The following NCOR2 variants were observed in gnomAD, a reference collection of about 807,000 sequenced individuals.
NCOR2 encodes nuclear receptor corepressor 2.
Under a neutral mutation model 262.9 loss-of-function variants are expected in NCOR2, and 81 were observed. That is an observed-to-expected ratio of 0.31 (90% CI 0.26 to 0.37). The LOEUF (loss-of-function observed/expected upper bound fraction) is 0.37. Ranked by LOEUF, NCOR2 falls within the 10% of genes least tolerant of loss-of-function variation. The probability of loss-of-function intolerance (pLI) is 1.00; values close to 1 mark genes in which losing one functional copy is unlikely to be tolerated. For missense variants in NCOR2, 3,385 were observed against 3,621.4 expected (o/e 0.93, Z 1.68); for synonymous variants, 1,659 against 1,559.3 (o/e 1.06, Z -1.51).
At chr12:124,331,867 T>G (rs2035230774) in intron 43 of NCOR2, 1 of 165,270 alleles carries the variant, frequency 6.1e-6, no homozygotes, top group Admixed American at 5.7e-5. Context: ...GATTCTTTAT[T>G]TGCCCACCCA....
At chr12:124,488,213 C>T (rs1304751048) in intron 1 of NCOR2, among the ~76,000 whole-genome samples, 1 of 152,082 alleles carries the variant, frequency 6.6e-6, no homozygotes, top group Non-Finnish European at 1.5e-5. Context: ...GTTGCAGACC[C>T]AACAAAATCA....
intron 22 of NCOR2, among the ~76,000 whole-genome samples, chr12:124,361,176 AG>A (rs753194865): frequency 8.1e-5 from 12 of 148,828 alleles, no homozygotes; most frequent in East Asian, 4.0e-4. Context: ...GGCAGCGGGG[AG>A]GGGACAGCTG....
intron 15 of NCOR2, among the ~76,000 whole-genome samples, chr12:124,399,355 C>T (rs951831491): frequency 1.6e-4 from 25 of 152,298 alleles, no homozygotes; most frequent in Middle Eastern, 6.8e-3. Context: ...GTGTGTTTTC[C>T]ACCCTGCGGC....
intron 28 of NCOR2, chr12:124,348,754 A>C (rs1244805789): frequency 2.7e-5 from 5 of 182,852 alleles, no homozygotes; most frequent in East Asian, 1.6e-4. Flanking sequence ...GCACCGATAC[A>C]TCAGCAGCAG....
intron 5 of NCOR2, among the ~76,000 whole-genome samples, chr12:124,461,448 G>A (rs2046157269): frequency 6.6e-6 from 1 of 152,226 alleles, no homozygotes; most frequent in Non-Finnish European, 1.5e-5. Context: ...AGAGACTCTG[G>A]GTCTGCGTGG....
chr12:124,473,377 A>C (rs918345402), intron 3 of NCOR2, among the ~76,000 whole-genome samples: 7 of 152,222 alleles, frequency 4.6e-5, no homozygotes, highest in African/African-American at 1.7e-4. Flanking sequence ...AAGCAGACAG[A>C]AAAATGTGCA....
chr12:124,532,662 A>T (rs2050871825), intron 1 of NCOR2, among the ~76,000 whole-genome samples: 1 of 152,222 alleles, frequency 6.6e-6, no homozygotes, highest in Non-Finnish European at 1.5e-5. Flanking sequence ...CATGACAAGC[A>T]GATAACTCAG....
At position 124,454,279 on chromosome 12, in the gene NCOR2, C is replaced by A. The variant is rs757912569; in HGVS notation, c.762+2827G>T. ...CTCTGTGAGGCGTCCTCCCTGTCCC[C>A]ACTGACTGGCACCAAGCCAGGGGCC... On this transcript the variant is annotated intron_variant, in intron 6 of 46. Transcript: ENST00000405201. This position sits in a 1 kb window ranked among gnomAD's most constrained non-coding sequence, Gnocchi z 5.6. 5.9e-5 allele frequency among the ~76,000 whole-genome samples: 9 copies of A among 152,188 alleles called. No homozygotes were observed. The highest frequency in any genetic ancestry group is 1.2e-4 in the Non-Finnish European group (8 of 68,036).
intron 5 of NCOR2, among the ~76,000 whole-genome samples, chr12:124,458,288 G>A (rs138096972): frequency 1.4e-3 from 209 of 152,360 alleles, no homozygotes; most frequent in African/African-American, 4.7e-3. Flanking sequence ...CTCGCAGGGC[G>A]GAGGTGCCCA....
chr12:124,354,442 G>T, intron 26 of NCOR2, 36 bp downstream of exon 28: 1 of 1,452,302 alleles, frequency 6.9e-7, no homozygotes, highest in Non-Finnish European at 9.1e-7. Flanking sequence ...AGGAACAGGG[G>T]CAGATGCTGG....
intron 1 of NCOR2, among the ~76,000 whole-genome samples, chr12:124,545,227 C>T (rs931740222): frequency 6.6e-6 from 1 of 152,076 alleles, no homozygotes; most frequent in Non-Finnish European, 1.5e-5. Context: ...CTCGGAGGGC[C>T]ACGATGAGAG....
chr12:124,443,741 T>C lies in NCOR2; in HGVS notation c.816-5745A>G, dbSNP rs1352002228. Among the ~76,000 whole-genome samples, 1 of 152,170 alleles carries C rather than the reference T, an allele frequency of 6.6e-6. No homozygotes were observed. Among genetic ancestry groups the C allele is most frequent in the Non-Finnish European group, 1.5e-5 (1 of 68,036 alleles). On this transcript the variant is annotated intron_variant, in intron 7 of 46. Coordinates refer to ENST00000405201, the Ensembl canonical transcript of NCOR2. The surrounding 1 kb of genome is among the most constrained non-coding windows in gnomAD (Gnocchi z 4.4). ...TGATCTCAAACTCCTGACCTCATGA[T>C]CTGCCTGCCTCAGCCTCCCAAAGTG...
intron 1 of NCOR2, among the ~76,000 whole-genome samples, chr12:124,550,348 G>A (rs2051676659): frequency 6.6e-6 from 1 of 151,610 alleles, no homozygotes; most frequent in African/African-American, 2.4e-5. Context: ...GGCAGAGGCG[G>A]GACCTGAACC....
chr12:124,476,454 G>A (rs1593725970), intron 3 of NCOR2, among the ~76,000 whole-genome samples: 2 of 152,338 alleles, frequency 1.3e-5, no homozygotes, highest in South Asian at 2.1e-4. Flanking sequence ...AACAGAGCAA[G>A]GACAAGGATG....
chr12:124,454,168 C>T lies in NCOR2; in HGVS notation c.762+2938G>A, dbSNP rs2045710365. Among the ~76,000 whole-genome samples the T allele has an allele frequency of 6.6e-6, 1 of 152,194 alleles. No homozygotes were observed. The highest frequency in any genetic ancestry group is 2.4e-5 in the African/African-American group (1 of 41,446). On this transcript the variant is annotated intron_variant, in intron 6 of 46. Transcript: ENST00000405201. This position sits in a 1 kb window ranked among gnomAD's most constrained non-coding sequence, Gnocchi z 5.6. ...CGGCCGCTCTCCCAGGGGCTCAGCA[C>T]ACCTCCACGCCTCATCTCTTGCTGT...
chr12:124,383,533 CAAAA>C, intron 17 of NCOR2: 18 of 463,044 alleles, frequency 3.9e-5, no homozygotes, highest in East Asian at 1.1e-4. Context: ...CCTTCCAACT[CAAAA>C]AAAAAAAAAG....
chr12:124,332,190 G>A, intron 43 of NCOR2, 129 bp downstream of exon 45: 1 of 1,164,260 alleles, frequency 8.6e-7, no homozygotes, highest in Non-Finnish European at 1.2e-6. Flanking sequence ...GGGGGGAGGT[G>A]GTCAGCAGGG....
At chr12:124,474,464 C>T (rs186870470) in intron 3 of NCOR2, among the ~76,000 whole-genome samples, 1 of 152,216 alleles carries the variant, frequency 6.6e-6, no homozygotes, top group East Asian at 1.9e-4. Flanking sequence ...ATTCAGTTAT[C>T]CATGGACGCC....
chr12:124,545,806 T>C (rs1273491493), intron 1 of NCOR2, among the ~76,000 whole-genome samples: 1 of 128,438 alleles, frequency 7.8e-6, no homozygotes, highest in East Asian at 2.2e-4. Flanking sequence ...AGGGTGGGGG[T>C]GGGGGACGAG....
Sources: gnomAD v4.1 joint callset for allele counts (sites outside exome capture counted in the v4.1 genomes callset) on GRCh38, gnomAD v4.1.1 for gene constraint, Gnocchi (gnomAD v3.1) non-coding constraint, MANE v1.5 for transcripts, NCBI Gene and HGNC (gene_info 2026-07-23, HGNC 2026-07-21) for gene names.